INO80D: variants seen among roughly 807,000 people sequenced by gnomAD.
INO80D encodes the protein INO80 complex subunit D.
Under a neutral mutation model 87.6 loss-of-function variants are expected in INO80D, and 21 were observed. The observed-to-expected ratio is 0.24, with a 90% CI of 0.17 to 0.35. The LOEUF (loss-of-function observed/expected upper bound fraction) is 0.35. Among genes scored for constraint, INO80D ranks in the 10% least tolerant of loss-of-function variants. The pLI is 1.00. For missense variants in INO80D, 982 were observed against 1,280.7 expected, an observed-to-expected ratio of 0.77 and a Z score of 3.56; for synonymous variants, 440 against 491.0, an observed-to-expected ratio of 0.90 and a Z score of 1.37.
At position 206,003,990 on chromosome 2, in the gene INO80D, T is replaced by G; in HGVS notation, c.*378A>C. ...AGATCATTCTATCTAGAACCACCTA[T>G]GTAAAAACCTGGCAACAGAATGGAA... On this transcript the variant is annotated 3_prime_UTR_variant, in exon 11 of 11. Transcript: ENST00000403263. The G allele has an allele frequency of 4.1e-6, 1 of 242,270 alleles. No individual in the cohort carries two copies. Among genetic ancestry groups the G allele is most frequent in the Non-Finnish European group, 8.2e-6 (1 of 122,614 alleles). The allele number at this position is 242,270 out of a possible 1,614,324, so 15.0% of individuals were successfully genotyped here.
At chr2:206,061,482 A>G (rs980034746) in intron 3 of INO80D, among the ~76,000 whole-genome samples, 1 of 152,260 alleles carries the variant, frequency 6.6e-6, no homozygotes, top group African/African-American at 2.4e-5. Flanking sequence ...AGTTAAAAAA[A>G]GGCAGGGTAA....
intron 5 of INO80D, among the ~76,000 whole-genome samples, chr2:206,032,407 C>A (rs1688792638): frequency 6.6e-6 from 1 of 152,184 alleles, no homozygotes; most frequent in Non-Finnish European, 1.5e-5. Flanking sequence ...CCTATGACTG[C>A]CGGATTTCCC....
intron 1 of INO80D, among the ~76,000 whole-genome samples, chr2:206,075,432 C>G (rs1001714379): frequency 1.4e-5 from 2 of 147,420 alleles, no homozygotes; most frequent in Non-Finnish European, 1.5e-5. Flanking sequence ...TACAACATAC[C>G]TTATAATTTT....
chr2:206,019,008 G>A (rs1688391674), intron 7 of INO80D, among the ~76,000 whole-genome samples: 1 of 152,074 alleles, frequency 6.6e-6, no homozygotes, highest in African/African-American at 2.4e-5. Context: ...GTGCCTTTGT[G>A]TTTTTCCTTT....
At chr2:206,040,519 A>C (rs1460077066) in intron 5 of INO80D, 1 of 225,784 alleles carries the variant, frequency 4.4e-6, no homozygotes, top group Non-Finnish European at 9.5e-6. Flanking sequence ...CGTAAAGAAC[A>C]TTAATGATGG....
At position 206,002,687 on chromosome 2, in the gene INO80D, C is replaced by T. The variant is rs1205638880; in HGVS notation, c.*1681G>A. 1 of 152,150 alleles carries T rather than the reference C, an allele frequency of 6.6e-6. No individual in the cohort carries two copies. Among genetic ancestry groups the T allele is most frequent in the Non-Finnish European group, 1.5e-5 (1 of 68,028 alleles). 9.4% of individuals were successfully genotyped at this position (152,150 alleles called of 1,614,324 possible). A position where few individuals can be genotyped will look rare whatever the true frequency, so the allele number is the denominator to read the frequency against. On this transcript the variant is annotated 3_prime_UTR_variant, in exon 11 of 11. Transcript: ENST00000403263. ...AAAAGAAGGGACTGGTTAGAACTAG[C>T]ATGGCATAAAGAGATTACATACAGG...
intron 4 of INO80D, among the ~76,000 whole-genome samples, chr2:206,049,665 G>T (rs1236437300): frequency 8.5e-5 from 13 of 152,092 alleles, no homozygotes. Context: ...GCCCAGACAG[G>T]ACTATAAAGG....
Position 205,994,557 on chromosome 2 carries a change from T to C in INO80D, c.*9811A>G, listed in dbSNP as rs1575778971. On this transcript the variant is annotated 3_prime_UTR_variant, in exon 11 of 11. Coordinates refer to ENST00000403263, the MANE Select transcript of INO80D (RefSeq NM_017759.5). ...CAAGAGGCTTTTTGTTAAAGGCTAC[T>C]TCTGATATCAGGTTCCAGCTAAGCT... The C allele has an allele frequency of 6.6e-6, 1 of 152,310 alleles. No individual in the cohort carries two copies. The highest frequency in any genetic ancestry group is 2.1e-4 in the South Asian group (1 of 4,826). The allele number at this position is 152,310 out of a possible 1,614,324, so 9.4% of individuals were successfully genotyped here.
intron 5 of INO80D, among the ~76,000 whole-genome samples, chr2:206,032,581 T>A (rs1688797042): frequency 6.6e-6 from 1 of 152,162 alleles, no homozygotes. Flanking sequence ...AAGCACCAGA[T>A]AACCTATAAA....
At chr2:206,015,076 A>C (rs976307395) in intron 8 of INO80D, among the ~76,000 whole-genome samples, 10 of 152,204 alleles carry the variant, frequency 6.6e-5, no homozygotes, top group Non-Finnish European at 2.9e-5. Flanking sequence ...AGAAATTTCT[A>C]AGCAGCAAAG....
chr2:206,041,208 TA>T (rs35934691), intron 5 of INO80D, among the ~76,000 whole-genome samples: 95,469 of 151,954 alleles, frequency 0.63, 31,045 homozygotes, highest in South Asian at 0.74. Context: ...TTAAACCCAA[TA>T]AATATCAATA....
chr2:206,018,706 A>C (rs139662976), intron 7 of INO80D, among the ~76,000 whole-genome samples: 14 of 152,206 alleles, frequency 9.2e-5, no homozygotes, highest in African/African-American at 2.6e-4. Flanking sequence ...TGATTTATTG[A>C]GCCTCAGAAG....
intron 1 of INO80D, among the ~76,000 whole-genome samples, chr2:206,072,501 T>C (rs1690001316): frequency 6.6e-6 from 1 of 151,756 alleles, no homozygotes; most frequent in South Asian, 2.1e-4. Context: ...TGGTCTCGAA[T>C]TCCTGTCCTC....
intron 1 of INO80D, among the ~76,000 whole-genome samples, chr2:206,065,328 G>A (rs964460886): frequency 1.1e-4 from 16 of 152,054 alleles, no homozygotes; most frequent in Non-Finnish European, 1.6e-4. Flanking sequence ...AAATCAGCTA[G>A]GCATGGTCAT....
At chr2:206,083,436 C>G (rs1272979740) in intron 1 of INO80D, among the ~76,000 whole-genome samples, 1 of 152,078 alleles carries the variant, frequency 6.6e-6, no homozygotes, top group Non-Finnish European at 1.5e-5. Flanking sequence ...TTTTGGTACA[C>G]ATGTTTAAAA....
At chr2:206,067,597 TA>T (rs146299770) in intron 1 of INO80D, among the ~76,000 whole-genome samples, 28,111 of 152,120 alleles carry the variant, frequency 0.18, 3,011 homozygotes, top group East Asian at 0.44. Flanking sequence ...TTGTGTCCAT[TA>T]AAATTTTTTA....
intron 4 of INO80D, among the ~76,000 whole-genome samples, chr2:206,052,689 A>G (rs1689406566): frequency 6.6e-6 from 1 of 151,990 alleles, no homozygotes; most frequent in Non-Finnish European, 1.5e-5. Context: ...TGACTTGGGA[A>G]GCTGAGGTGG....
intron 4 of INO80D, among the ~76,000 whole-genome samples, chr2:206,054,780 C>G (rs1689470921): frequency 6.6e-6 from 1 of 152,170 alleles, no homozygotes; most frequent in Admixed American, 6.5e-5. Context: ...TCCCAAAGTG[C>G]TGGGATTACA....
chr2:206,056,394 C>T lies in INO80D; in HGVS notation c.768G>A (p.Arg256=), dbSNP rs1325402350. The T allele has an allele frequency of 1.9e-6, 3 of 1,613,636 alleles. No homozygotes were observed. The highest frequency in any genetic ancestry group is 1.1e-5 in the South Asian group (1 of 91,038). The change falls in exon 4 of 11, where the codon CGG becomes CGA. Residue 256 remains arginine (R), a synonymous_variant. Coordinates refer to ENST00000403263, the MANE Select transcript of INO80D (RefSeq NM_017759.5). ...APTTHTIAQA[R]QLSHKRPLPL... ...GCAGAGGCCTCTTGTGAGACAACTG[C>T]CGTGCTTGTGCTATAGTGTGTGTGG...
Sources: gnomAD v4.1 joint callset for allele counts (sites outside exome capture counted in the v4.1 genomes callset) on GRCh38, gnomAD v4.1.1 for gene constraint, MANE v1.5 for transcripts, NCBI Gene and HGNC (gene_info 2026-07-23, HGNC 2026-07-21) for gene names.